The following VPS41 variants were observed in gnomAD, a reference collection of about 807,000 sequenced individuals.
The protein encoded by VPS41 is VPS41 subunit of HOPS complex.
In VPS41, 85 loss-of-function variants were observed where a neutral mutation model predicts 130.9. The observed-to-expected ratio is 0.65, with a 90% confidence interval of 0.55 to 0.78. The LOEUF (loss-of-function observed/expected upper bound fraction) is 0.78, where lower values mean the gene tolerates loss of function less well. VPS41 is among the 30% of genes least tolerant of loss of function. The pLI is 0.00. For synonymous variants in VPS41, 335 were observed against 332.9 expected, an observed-to-expected ratio of 1.01 and a Z score of -0.07; for missense variants, 874 against 1,018.7, an observed-to-expected ratio of 0.86 and a Z score of 1.93.
intron 5 of VPS41, among the ~76,000 whole-genome samples, chr7:38,827,069 C>T (rs1330539553): frequency 1.3e-5 from 2 of 152,112 alleles, no homozygotes; most frequent in Admixed American, 6.5e-5. Context: ...CTGCCCGCTT[C>T]GGCCTCCCAA....
intron 16 of VPS41, among the ~76,000 whole-genome samples, chr7:38,764,732 G>A (rs1235748254): frequency 6.6e-6 from 1 of 152,096 alleles, no homozygotes; most frequent in Non-Finnish European, 1.5e-5. Flanking sequence ...GGTATATTGT[G>A]TATCACAAAC....
At chr7:38,894,030 A>G (rs1359490747) in intron 2 of VPS41, among the ~76,000 whole-genome samples, 4 of 152,248 alleles carry the variant, frequency 2.6e-5, no homozygotes, top group Non-Finnish European at 4.4e-5. Flanking sequence ...ATAAATTGTT[A>G]TATGGTTGAA....
At chr7:38,728,656 C>T (rs1795596882) in intron 26 of VPS41, 36 bp downstream of exon 26, 2 of 1,613,192 alleles carry the variant, frequency 1.2e-6, no homozygotes, top group African/African-American at 1.3e-5. Context: ...GAAAGCAGGG[C>T]ACGTGGTTCC....
At chr7:38,727,548 T>C (rs756110031) in intron 27 of VPS41, among the ~76,000 whole-genome samples, 2 of 152,188 alleles carry the variant, frequency 1.3e-5, no homozygotes, top group Non-Finnish European at 2.9e-5. Context: ...AATCTAACTG[T>C]AGAGTGGGAA....
chr7:38,742,416 G>T lies in VPS41; in HGVS notation c.2123-295C>A, dbSNP rs193245546. Among the ~76,000 whole-genome samples the T allele has an allele frequency of 1.4e-3, 219 of 152,184 alleles. 1 individual carries two copies. The highest frequency in any genetic ancestry group is 4.9e-3 in the African/African-American group (203 of 41,548). On this transcript the variant is annotated intron_variant, in intron 24 of 28. Coordinates refer to ENST00000310301, the MANE Select transcript of VPS41 (RefSeq NM_014396.4). ...AAATACAGTTTTTAGCATCAAATGG[G>T]TGTAAATAATATTTATTGACAACTG... is the stretch of plus-strand genomic sequence containing the variant.
chr7:38,733,846 T>TG (rs1795714605), intron 25 of VPS41, among the ~76,000 whole-genome samples: 1 of 152,174 alleles, frequency 6.6e-6, no homozygotes. Context: ...TGAGAGGCTG[T>TG]GATAGGAGGA....
Position 38,763,481 on chromosome 7 carries a change from G to T in VPS41, c.1396C>A (p.His466Asn). ...LKPLIYEMIL[H>N]EFLESDYEGF... ...TCATAATCACTCTCCAAAAATTCAT[G>T]TAAGATCATTTCATAGATGAGTGGT... Residue 466 changes from histidine (H) to asparagine (N), a missense_variant, in exon 17 of 29, where the codon CAT (histidine) becomes AAT (asparagine). Transcript: ENST00000310301. 6.2e-7 allele frequency: 1 copy of T among 1,606,290 alleles called. No individual in the cohort carries two copies. The highest frequency in any genetic ancestry group is 1.1e-5 in the South Asian group (1 of 89,818).
In VPS41 at chr7:38,749,902, G is replaced by A. The variant is rs568279774; in HGVS notation, c.1926+2274C>T. On this transcript the variant is annotated intron_variant, in intron 22 of 28. Coordinates refer to ENST00000310301, the MANE Select transcript of VPS41 (RefSeq NM_014396.4). Reference sequence around the variant, plus strand: ...TATTTAAAGAGAGTTTTGCTTTCTCGCCTAGGCCGGAGTGCACTGGTGCAA... The same window carrying A: ...TATTTAAAGAGAGTTTTGCTTTCTCACCTAGGCCGGAGTGCACTGGTGCAA... Among the ~76,000 whole-genome samples, 11 of 152,024 alleles carry A rather than the reference G, an allele frequency of 7.2e-5. No homozygotes were observed. The South Asian group carries it at 2.1e-3, about 29-fold the overall frequency.
At position 38,905,919 on chromosome 7, in the gene VPS41, G is replaced by A. The variant is rs184989346; in HGVS notation, c.21+3235C>T. Among the ~76,000 whole-genome samples, 921 of 151,984 alleles carry A rather than the reference G, an allele frequency of 6.1e-3. 8 individuals carry two copies. Among genetic ancestry groups the A allele is most frequent in the Middle Eastern group, 0.027 (8 of 294 alleles). ...AGTGATTCTCCTGCCTCAGCCTCCC[G>A]AGTAGCTGGGATTACAGGCGCCCAC... On this transcript the variant is annotated intron_variant, in intron 1 of 28. Transcript: ENST00000310301.
chr7:38,771,902 T>A (rs552435375), intron 13 of VPS41, among the ~76,000 whole-genome samples: 259 of 151,880 alleles, frequency 1.7e-3, no homozygotes, highest in African/African-American at 5.6e-3. Flanking sequence ...AAAAAAAAAA[T>A]TTTTTTCCAA....
chr7:38,742,568 T>C (rs1795901894), intron 24 of VPS41, among the ~76,000 whole-genome samples: 2 of 152,128 alleles, frequency 1.3e-5, no homozygotes, highest in Admixed American at 1.3e-4. Context: ...TAATAAGTAA[T>C]GTGCCCAAAT....
chr7:38,756,530 G>T (rs1022415234), intron 19 of VPS41, among the ~76,000 whole-genome samples: 4 of 151,976 alleles, frequency 2.6e-5, no homozygotes, highest in African/African-American at 7.3e-5. Context: ...TATATACGTG[G>T]TTTGTTTCTA....
At chr7:38,892,470 A>G (rs1786886867) in intron 2 of VPS41, among the ~76,000 whole-genome samples, 1 of 152,198 alleles carries the variant, frequency 6.6e-6, no homozygotes, top group Non-Finnish European at 1.5e-5. Context: ...CATTTTTGTA[A>G]TGATCATCAT....
At chr7:38,848,780 C>A (rs1208097384) in intron 4 of VPS41, among the ~76,000 whole-genome samples, 1 of 152,116 alleles carries the variant, frequency 6.6e-6, no homozygotes, top group Non-Finnish European at 1.5e-5. Flanking sequence ...CTCCAGAACC[C>A]GTCAACCATC....
chr7:38,844,548 G>A (rs1004712931), intron 4 of VPS41, among the ~76,000 whole-genome samples: 1 of 152,126 alleles, frequency 6.6e-6, no homozygotes, highest in African/African-American at 2.4e-5. Flanking sequence ...AAAATCATCT[G>A]AGAATGTGAA....
At chr7:38,832,522 CTT>C (rs2116182652) in intron 4 of VPS41, among the ~76,000 whole-genome samples, 1 of 152,046 alleles carries the variant, frequency 6.6e-6, no homozygotes, top group East Asian at 1.9e-4. Flanking sequence ...GTTGTGGTCT[CTT>C]TGTCCATTTC....
At chr7:38,876,607 G>T (rs567044825) in intron 2 of VPS41, among the ~76,000 whole-genome samples, 117 of 152,108 alleles carry the variant, frequency 7.7e-4, no homozygotes, top group African/African-American at 2.6e-3. Flanking sequence ...TTATAAAAAC[G>T]GTTCAACATC....
intron 21 of VPS41, among the ~76,000 whole-genome samples, chr7:38,753,060 G>A (rs17768153): frequency 0.23 from 35,534 of 152,040 alleles, 4,812 homozygotes; most frequent in East Asian, 0.43. Flanking sequence ...TCACAGGCAA[G>A]ATTAAGTCTA....
At chr7:38,888,005 G>A (rs1388807388) in intron 2 of VPS41, among the ~76,000 whole-genome samples, 1 of 152,186 alleles carries the variant, frequency 6.6e-6, no homozygotes, top group Admixed American at 6.5e-5. Context: ...CATCAGGCCT[G>A]CATTACAAGA....
Sources: gnomAD v4.1 joint callset for allele counts (sites outside exome capture counted in the v4.1 genomes callset) on GRCh38, gnomAD v4.1.1 for gene constraint, MANE v1.5 for transcripts, NCBI Gene and HGNC (gene_info 2026-07-23, HGNC 2026-07-21) for gene names.